ABHD12B: variants seen among roughly 807,000 people sequenced by gnomAD.
The protein encoded by ABHD12B is abhydrolase domain containing 12B, also known as protein ABHD12B.
Under a neutral mutation model 50.4 loss-of-function variants are expected in ABHD12B, and 42 were observed. The observed-to-expected ratio is 0.83, with a 90% CI of 0.65 to 1.08. The LOEUF is 1.08. ABHD12B is among the 50% of genes least tolerant of loss of function. The pLI, the probability that ABHD12B is intolerant of heterozygous loss-of-function variation, is 0.00. For missense variants in ABHD12B, 479 were observed against 447.7 expected, an observed-to-expected ratio of 1.07 and a Z score of -0.63; for synonymous variants, 167 against 160.3, an observed-to-expected ratio of 1.04 and a Z score of -0.32.
intron 10 of ABHD12B, among the ~76,000 whole-genome samples, 156 bp from the exon 11 acceptor site, chr14:50,903,232 AT>A (rs1290337870): frequency 7.9e-5 from 12 of 152,170 alleles, no homozygotes; most frequent in African/African-American, 2.9e-4. Flanking sequence ...ACTATGTGAA[AT>A]TTTTAAATGT....
chr14:50,900,482 G>A (rs1299246954), intron 9 of ABHD12B, among the ~76,000 whole-genome samples: 1 of 152,194 alleles, frequency 6.6e-6, no homozygotes, highest in South Asian at 2.1e-4. Context: ...TGGAGAAACA[G>A]ATAGAAGATA....
In ABHD12B at chr14:50,888,864, C is replaced by T. The variant is rs201748660; in HGVS notation, c.741C>T (p.Thr247=). ...VDAIVLEAPF[T]NMWVASINYP... ...CTATTGTCTTGGAAGCTCCATTTAC[C>T]AACATGTGGGTTGCAAGTATCAATT... Residue 247 remains threonine, a synonymous_variant, in exon 9 of 13, where the codon ACC becomes ACT. Transcript: ENST00000337334. 9.9e-5 allele frequency: 159 copies of T among 1,614,010 alleles called. No homozygotes were observed. The highest frequency in any genetic ancestry group is 6.6e-4 in the Middle Eastern group (4 of 6,060).
rs10648046 is a variant in ABHD12B at position 50,882,973 on chromosome 14, C to CAAAAAA, written c.486+1358_486+1363dup. On this transcript the variant is annotated intron_variant, in intron 5 of 12. Coordinates refer to ENST00000337334, the MANE Select transcript of ABHD12B (RefSeq NM_001206673.2). ...ATGACAGAGTGAGGAGACCCTGACT[C>CAAAAAA]AAAAAAAAAAAAAAAAGTCATTGAA... Among the ~76,000 whole-genome samples the CAAAAAA allele has an allele frequency of 7.1e-3, 798 of 112,498 alleles. 29 individuals are homozygous for CAAAAAA. The highest frequency in any genetic ancestry group is 0.013 in the African/African-American group (385 of 29,368). The allele number at this position is 112,498 out of a possible 152,430, so 73.8% of individuals were successfully genotyped here. A position where few individuals can be genotyped will look rare whatever the true frequency, so the allele number is the denominator to read the frequency against.
At chr14:50,897,133 C>T (rs187043421) in intron 9 of ABHD12B, among the ~76,000 whole-genome samples, 101 of 143,774 alleles carry the variant, frequency 7.0e-4, no homozygotes, top group Middle Eastern at 3.7e-3. Flanking sequence ...AGTGCAGTGG[C>T]GTGATCTCAG....
chr14:50,888,689 G>C (rs2142747616), intron 8 of ABHD12B, 135 bp from the exon 9 acceptor site: 1 of 694,398 alleles, frequency 1.4e-6, no homozygotes, highest in South Asian at 2.0e-5. Context: ...CCAGGAATTT[G>C]CATTATTAAT....
chr14:50,878,929 T>G, intron 3 of ABHD12B, 82 bp downstream of exon 3: 1 of 1,159,662 alleles, frequency 8.6e-7, no homozygotes, highest in Non-Finnish European at 1.3e-6. Flanking sequence ...CTGTGTTACC[T>G]GCCCACGGAG....
intron 1 of ABHD12B, among the ~76,000 whole-genome samples, chr14:50,877,037 C>T (rs565313063): frequency 1.3e-5 from 2 of 152,198 alleles, no homozygotes; most frequent in South Asian, 2.1e-4. Context: ...ATGGACAAAT[C>T]GTCACTTGTG....
chr14:50,898,524 G>T (rs754911901), intron 9 of ABHD12B, among the ~76,000 whole-genome samples: 6 of 152,204 alleles, frequency 3.9e-5, no homozygotes, highest in Admixed American at 6.5e-5. Flanking sequence ...AATTAGGAGA[G>T]CCCATTGCCA....
intron 9 of ABHD12B, chr14:50,891,250 CT>C (rs58839175): frequency 0.98 from 147,991 of 150,872 alleles, 72,605 homozygotes; most frequent in Middle Eastern, 1. Context: ...AGAGACGTTT[CT>C]TTTTTTTTTG....
intron 2 of ABHD12B, 118 bp from the exon 3 acceptor site, chr14:50,878,627 G>C (rs2049895194): frequency 3.8e-6 from 3 of 780,412 alleles, no homozygotes; most frequent in Non-Finnish European, 6.3e-6. Flanking sequence ...TAGGAGTTTA[G>C]TGTAGTAGCT....
intron 4 of ABHD12B, 139 bp from the exon 5 acceptor site, chr14:50,881,457 T>A: frequency 1.2e-6 from 1 of 809,370 alleles, no homozygotes; most frequent in Non-Finnish European, 1.8e-6. Flanking sequence ...TTTCCCCTTC[T>A]CCTAGTTATT....
chr14:50,901,924 T>G lies in ABHD12B; in HGVS notation c.863+13T>G. 6.5e-7 allele frequency: 1 copy of G among 1,545,970 alleles called. No homozygotes were observed. Among genetic ancestry groups the G allele is most frequent in the Non-Finnish European group, 8.8e-7 (1 of 1,135,812 alleles). On this transcript the variant is annotated intron_variant, in intron 10 of 12. Coordinates refer to ENST00000337334, the MANE Select transcript of ABHD12B (RefSeq NM_001206673.2). ...CTAATGATGAAAAGTAAGTTAATGA[T>G]GAAAAGACATGCATTATTACTGTAT...
In ABHD12B at chr14:50,877,969, G is replaced by A. The variant is rs1021005803; in HGVS notation, c.122G>A (p.Cys41Tyr). ...DRNLRYFPHS[C>Y]SMLGRKIAAL... ...CCTTGCAGATATTTTCCACACTCCT[G>A]TTCAATGCTCGGAAGAAAAATTGCT... is the stretch of plus-strand genomic sequence containing the variant. Residue 41 changes from cysteine (C) to tyrosine (Y), a missense_variant, in exon 2 of 13, where the codon TGT becomes TAT. Physicochemically the swap from Cys to Tyr is radical, Grantham distance 194. Transcript: ENST00000337334. 2 of 1,533,158 alleles carry A rather than the reference G, an allele frequency of 1.3e-6. No homozygotes were observed. The highest frequency in any genetic ancestry group is 2.7e-5 in the African/African-American group (2 of 72,858). The allele number at this position is 1,533,158 out of a possible 1,614,324, so 95.0% of individuals were successfully genotyped here. A position where few individuals can be genotyped will look rare whatever the true frequency, so the allele number is the denominator to read the frequency against.
rs377360310 is a variant in ABHD12B, at chr14:50,886,863, G to GT, written c.700+185dup. ...CTCCCTTTAATATAAAACAAGAGCTGTTTTTTCAGATTCTGCAGTTAAAAA... is the reference window on the plus strand; with the variant it reads ...CTCCCTTTAATATAAAACAAGAGCTGTTTTTTTCAGATTCTGCAGTTAAAAA... On this transcript the variant is annotated intron_variant, in intron 8 of 12. Transcript: ENST00000337334. Among the ~76,000 whole-genome samples, 520 of 152,240 alleles carry GT rather than the reference G, an allele frequency of 3.4e-3. 7 individuals carry two copies. The highest frequency in any genetic ancestry group is 0.012 in the African/African-American group (487 of 41,540).
intron 9 of ABHD12B, among the ~76,000 whole-genome samples, chr14:50,890,907 C>A (rs2050108749): frequency 6.6e-6 from 1 of 152,150 alleles, no homozygotes; most frequent in Admixed American, 6.5e-5. Context: ...AATGACTTTA[C>A]CACTTTACTC....
At chr14:50,903,860 A>G in intron 11 of ABHD12B, 1 of 533,432 alleles carries the variant, frequency 1.9e-6, no homozygotes. Flanking sequence ...CAAGCAGGGA[A>G]GGATGAGGTT....
chr14:50,877,984 G>A lies in ABHD12B; in HGVS notation c.137G>A (p.Arg46Lys), dbSNP rs1476483943. Residue 46 changes from arginine to lysine, a missense_variant, in exon 2 of 13, where the codon AGA becomes AAA. Coordinates refer to ENST00000337334, the MANE Select transcript of ABHD12B (RefSeq NM_001206673.2). ...YFPHSCSMLG[R>K]KIAALYDSFT... is the part of the protein sequence containing the mutation. ...CCACACTCCTGTTCAATGCTCGGAAGAAAAATTGCTGCTCTGTATGACAGC... is the reference window on the plus strand; with the variant it reads ...CCACACTCCTGTTCAATGCTCGGAAAAAAAATTGCTGCTCTGTATGACAGC... 9.8e-6 allele frequency: 15 copies of A among 1,534,420 alleles called. 1 individual carries two copies. The South Asian group carries it at 1.3e-4, about 13-fold the overall frequency.
chr14:50,903,191 G>A (rs2050282926), intron 10 of ABHD12B, among the ~76,000 whole-genome samples, 198 bp from the exon 11 acceptor site: 1 of 152,050 alleles, frequency 6.6e-6, no homozygotes, highest in Middle Eastern at 3.4e-3. Flanking sequence ...GTAAATGGGA[G>A]AGAGGGAAAC....
At chr14:50,898,875 C>A (rs183060808) in intron 9 of ABHD12B, among the ~76,000 whole-genome samples, 1 of 152,288 alleles carries the variant, frequency 6.6e-6, no homozygotes, top group African/African-American at 2.4e-5. Flanking sequence ...CCAAAAAGTT[C>A]AGGCCAGACA....
Sources: allele counts gnomAD v4.1 joint callset (sites outside exome capture counted in the v4.1 genomes callset), GRCh38; gene constraint gnomAD v4.1.1; transcripts MANE v1.5; gene names NCBI Gene and HGNC (gene_info 2026-07-23, HGNC 2026-07-21).